ACACA: variants seen among roughly 807,000 people sequenced by gnomAD.
ACACA encodes acetyl-CoA carboxylase alpha, also known as acetyl-CoA carboxylase 1.
A neutral mutation model predicts 296.1 loss-of-function variants in ACACA; 103 were observed. The observed-to-expected ratio is 0.35, with a 90% confidence interval of 0.30 to 0.41. The LOEUF is 0.41. ACACA is among the 10% of genes least tolerant of loss of function. The pLI is 1.00. For missense variants in ACACA, 1,554 were observed against 2,989.7 expected (o/e 0.52, Z 11.20); for synonymous variants, 953 against 1,038.6 (o/e 0.92, Z 1.58).
chr17:37,321,561 A>G (rs2047356353), intron 3 of ACACA, among the ~76,000 whole-genome samples: 1 of 152,070 alleles, frequency 6.6e-6, no homozygotes, highest in Admixed American at 6.6e-5. Context: ...CATCCTGGCT[A>G]ACACAGAGAA....
At chr17:37,149,790 G>C (rs1567724657) in intron 45 of ACACA, 74 bp downstream of exon 45, 3 of 1,330,418 alleles carry the variant, frequency 2.3e-6, no homozygotes, top group Non-Finnish European at 2.2e-6. Flanking sequence ...CTTCCAATCA[G>C]GATCTTGAAT....
intron 41 of ACACA, 100 bp downstream of exon 41, chr17:37,179,159 CA>C: frequency 6.8e-7 from 1 of 1,460,084 alleles, no homozygotes; most frequent in South Asian, 1.2e-5. Context: ...ACTCTCCCAA[CA>C]AGACTACCAT....
intron 41 of ACACA, among the ~76,000 whole-genome samples, chr17:37,174,196 T>C (rs996954017): frequency 6.7e-6 from 1 of 149,730 alleles, no homozygotes; most frequent in Admixed American, 6.6e-5. Context: ...TACACTACTT[T>C]ATTTCCTCTT....
chr17:37,333,644 G>C (rs1330996422), intron 2 of ACACA, among the ~76,000 whole-genome samples: 1 of 151,734 alleles, frequency 6.6e-6, no homozygotes, highest in Non-Finnish European at 1.5e-5. Context: ...CTTAGGTATT[G>C]ATAGCACCCA....
Position 37,086,767 on chromosome 17 carries a change from C to A in ACACA, c.*549G>T. The A allele has an allele frequency of 6.0e-6, 1 of 167,462 alleles. No homozygotes were observed. Among genetic ancestry groups the A allele is most frequent in the Admixed American group, 5.7e-5 (1 of 17,636 alleles). The allele number at this position is 167,462 out of a possible 1,614,324, so 10.4% of individuals were successfully genotyped here. ...CTCTAATTTTTCTTCATAAAAGGTA[C>A]CGTAGTGTGGTTAAACTGGGAATCA... On this transcript the variant is annotated 3_prime_UTR_variant, in exon 56 of 56. Transcript: ENST00000616317.
chr17:37,333,860 C>T (rs1480680057), intron 2 of ACACA, among the ~76,000 whole-genome samples: 2 of 150,848 alleles, frequency 1.3e-5, no homozygotes, highest in Non-Finnish European at 2.9e-5. Context: ...TCAGTATCTA[C>T]TAGTTTGGGT....
intron 7 of ACACA, among the ~76,000 whole-genome samples, chr17:37,276,751 A>G (rs2082299459): frequency 6.6e-6 from 1 of 152,246 alleles, no homozygotes; most frequent in East Asian, 1.9e-4. Context: ...GGTTAGCTGC[A>G]AAGTTTTAAA....
At chr17:37,187,112 C>T (rs2077567361) in intron 39 of ACACA, among the ~76,000 whole-genome samples, 1 of 152,112 alleles carries the variant, frequency 6.6e-6, no homozygotes, top group African/African-American at 2.4e-5. Context: ...AAATATTGAA[C>T]ACTCTTTCTC....
In ACACA at chr17:37,085,796, C is replaced by G; in HGVS notation, c.*1520G>C. ...GGTGGAGCTCGTTCTTGTGTGCAAA[C>G]TACAGGGTTAAGGCTCAGAACTGTG... On this transcript the variant is annotated 3_prime_UTR_variant, in exon 56 of 56. Transcript: ENST00000616317. 2 of 399,122 alleles carry G rather than the reference C, an allele frequency of 5.0e-6. No individual in the cohort carries two copies. Among genetic ancestry groups the G allele is most frequent in the Non-Finnish European group, 8.8e-6 (2 of 226,116 alleles). 24.7% of individuals were successfully genotyped at this position (399,122 alleles called of 1,614,324 possible).
intron 3 of ACACA, among the ~76,000 whole-genome samples, chr17:37,322,426 A>G (rs1426554388): frequency 6.6e-6 from 1 of 152,196 alleles, no homozygotes; most frequent in East Asian, 1.9e-4. Flanking sequence ...GAAAATTGAG[A>G]TCAAGTTTCA....
At chr17:37,288,637 C>T (rs887728594) in intron 3 of ACACA, among the ~76,000 whole-genome samples, 5 of 152,066 alleles carry the variant, frequency 3.3e-5, no homozygotes, top group Non-Finnish European at 4.4e-5. Context: ...TTGGTTCACA[C>T]GTGTAAACCC....
intron 44 of ACACA, 109 bp downstream of exon 44, chr17:37,151,192 A>G: frequency 1.6e-6 from 2 of 1,257,452 alleles, no homozygotes; most frequent in Admixed American, 1.8e-5. Flanking sequence ...TAGACATACA[A>G]TCTTCAAGAA....
At chr17:37,260,991 A>C (rs756195703) in intron 11 of ACACA, among the ~76,000 whole-genome samples, 4 of 152,156 alleles carry the variant, frequency 2.6e-5, no homozygotes, top group Non-Finnish European at 5.9e-5. Flanking sequence ...AAAAATATTA[A>C]AATATGAGAT....
intron 52 of ACACA, among the ~76,000 whole-genome samples, chr17:37,107,803 C>T (rs2073771774): frequency 6.6e-6 from 1 of 152,216 alleles, no homozygotes; most frequent in Non-Finnish European, 1.5e-5. Flanking sequence ...ACAGTTCTCT[C>T]TCCATCTAAA....
At chr17:37,316,942 G>A (rs1022714029) in intron 3 of ACACA, among the ~76,000 whole-genome samples, 8 of 152,002 alleles carry the variant, frequency 5.3e-5, no homozygotes, top group African/African-American at 1.9e-4. Context: ...GTGTGGTGGT[G>A]TACGTCTGTA....
rs2077787159 is a variant in ACACA, at chr17:37,192,193, ATCTTGTGATTAGCACATGG to A, written c.4294_4312del (p.Pro1432CysfsTer16). 6.2e-7 allele frequency: 1 copy of A among 1,613,984 alleles called. No homozygotes were observed. The highest frequency in any genetic ancestry group is 1.7e-5 in the Admixed American group (1 of 59,990). On this transcript the variant is annotated frameshift_variant, in exon 37 of 56. Coordinates refer to ENST00000616317, the MANE Select transcript of ACACA (RefSeq NM_198834.3). LOFTEE classifies it high-confidence loss of function. ...CTTGGCTGCCCCGAGATACAGGTGC[ATCTTGTGATTAGCACATGG>A]AATGGCAGTGAGGTCAAAATTTCTC...
At chr17:37,191,881 C>T in intron 37 of ACACA, among the ~76,000 whole-genome samples, 1 of 147,102 alleles carries the variant, frequency 6.8e-6, no homozygotes, top group African/African-American at 2.5e-5. Context: ...GATGCACTTT[C>T]TGCTTTGTAA....
At chr17:37,347,223 C>A (rs891289022) in intron 1 of ACACA, among the ~76,000 whole-genome samples, 2 of 152,182 alleles carry the variant, frequency 1.3e-5, no homozygotes, top group African/African-American at 2.4e-5. Flanking sequence ...TCTCTCTCTG[C>A]CTGCTTCCAT....
intron 1 of ACACA, among the ~76,000 whole-genome samples, chr17:37,395,051 A>G (rs2051031975): frequency 6.6e-6 from 1 of 152,250 alleles, no homozygotes; most frequent in East Asian, 1.9e-4. Flanking sequence ...AGTGGTTAAT[A>G]TATCTCTTTA....
Sources: gnomAD v4.1 joint callset for allele counts (sites outside exome capture counted in the v4.1 genomes callset) on GRCh38, gnomAD v4.1.1 for gene constraint, MANE v1.5 for transcripts, NCBI Gene and HGNC (gene_info 2026-07-23, HGNC 2026-07-21) for gene names.